The following CHST9 variants were observed in gnomAD, a reference collection of about 807,000 sequenced individuals.
The protein encoded by CHST9 is GalNAc-4-sulfotransferase 2.
A neutral mutation model predicts 44.4 loss-of-function variants in CHST9; 41 were observed. The ratio of observed to expected loss-of-function variants is 0.92; its 90% CI spans 0.72 to 1.20. CHST9 has a LOEUF of 1.20. Among genes scored for constraint, CHST9 ranks in the 50% most tolerant of loss-of-function variants. The pLI is 0.00. For synonymous variants in CHST9, 171 were observed against 178.4 expected (o/e 0.96, Z 0.33); for missense variants, 504 against 516.5 (o/e 0.98, Z 0.23).
intron 1 of CHST9, among the ~76,000 whole-genome samples, chr18:27,159,740 A>C (rs2058730351): frequency 6.6e-6 from 1 of 152,170 alleles, no homozygotes; most frequent in African/African-American, 2.4e-5. Flanking sequence ...CCTACCCATG[A>C]GCATGGAATG....
At chr18:27,146,327 C>CA (rs1567937464) in intron 1 of CHST9, among the ~76,000 whole-genome samples, 1 of 152,138 alleles carries the variant, frequency 6.6e-6, no homozygotes, top group East Asian at 1.9e-4. Context: ...GGCAGAAAGG[C>CA]AATCTGGTGT....
At position 26,911,153 on chromosome 18, in the gene CHST9, A is replaced by G. The variant is rs1227881610; in HGVS notation, c.*5106T>C. On this transcript the variant is annotated 3_prime_UTR_variant, in exon 6 of 6. Coordinates refer to ENST00000618847, the MANE Select transcript of CHST9 (RefSeq NM_031422.6). ...AGATGCCTGAAGGTCACAGGCAGAAATATACGAATTCTACACTAAAAGAAG... is the reference window on the plus strand; with the variant it reads ...AGATGCCTGAAGGTCACAGGCAGAAGTATACGAATTCTACACTAAAAGAAG... 1.3e-5 allele frequency: 2 copies of G among 152,184 alleles called. No individual in the cohort carries two copies. The highest frequency in any genetic ancestry group is 2.9e-5 in the Non-Finnish European group (2 of 68,030). 9.4% of individuals were successfully genotyped at this position (152,184 alleles called of 1,614,324 possible). A position where few individuals can be genotyped will look rare whatever the true frequency, so the allele number is the denominator to read the frequency against.
At chr18:26,986,110 A>G (rs1230482421) in intron 4 of CHST9, among the ~76,000 whole-genome samples, 1 of 152,236 alleles carries the variant, frequency 6.6e-6, no homozygotes, top group Non-Finnish European at 1.5e-5. Flanking sequence ...AAAGCAGGAA[A>G]GTAAGATCAA....
intron 1 of CHST9, among the ~76,000 whole-genome samples, chr18:27,168,552 G>A (rs2058809521): frequency 6.6e-6 from 1 of 152,132 alleles, no homozygotes; most frequent in Admixed American, 6.5e-5. Flanking sequence ...TTTTTGAGAT[G>A]ACATTTATGA....
At chr18:27,157,918 G>T (rs2143916381) in intron 1 of CHST9, among the ~76,000 whole-genome samples, 1 of 152,122 alleles carries the variant, frequency 6.6e-6, no homozygotes, top group East Asian at 1.9e-4. Flanking sequence ...AGTTAGTTTA[G>T]TTAACTAATC....
intron 1 of CHST9, among the ~76,000 whole-genome samples, chr18:27,146,388 C>T (rs1031514839): frequency 1.3e-5 from 2 of 152,250 alleles, no homozygotes; most frequent in African/African-American, 2.4e-5. Flanking sequence ...ATTAACCCAA[C>T]GTTGGCGTTA....
chr18:27,048,597 C>A, intron 2 of CHST9, 94 bp from the exon 3 acceptor site: 1 of 1,011,404 alleles, frequency 9.9e-7, no homozygotes, highest in South Asian at 1.5e-5. Context: ...TTTCCAAACA[C>A]AACCTCTACT....
At chr18:27,081,269 G>C (rs2057958327) in intron 2 of CHST9, among the ~76,000 whole-genome samples, 1 of 152,068 alleles carries the variant, frequency 6.6e-6, no homozygotes, top group African/African-American at 2.4e-5. Flanking sequence ...TTTGAGCCCA[G>C]GTGTTCAAGA....
intron 1 of CHST9, among the ~76,000 whole-genome samples, chr18:27,173,611 A>C (rs1350172162): frequency 1.3e-5 from 2 of 152,014 alleles, no homozygotes; most frequent in Non-Finnish European, 2.9e-5. Flanking sequence ...ATTGCCTGAA[A>C]CATATTCTTC....
At chr18:27,045,698 G>C (rs866867805) in intron 3 of CHST9, among the ~76,000 whole-genome samples, 3 of 151,920 alleles carry the variant, frequency 2.0e-5, no homozygotes, top group Admixed American at 6.6e-5. Context: ...TGTCAAGGAG[G>C]ATATAATTTG....
At chr18:27,045,995 A>C (rs908098341) in intron 3 of CHST9, among the ~76,000 whole-genome samples, 8 of 152,076 alleles carry the variant, frequency 5.3e-5, no homozygotes, top group African/African-American at 1.9e-4. Flanking sequence ...AAGCCACTTA[A>C]GTTTTGTTGA....
chr18:27,111,405 G>A (rs551686044), intron 2 of CHST9, among the ~76,000 whole-genome samples: 1 of 152,348 alleles, frequency 6.6e-6, no homozygotes, highest in East Asian at 1.9e-4. Flanking sequence ...TTATCCTTCT[G>A]TGGTAGAAAT....
Position 27,185,141 on chromosome 18 carries a change from G to A in CHST9, c.-102C>T, listed in dbSNP as rs2058946457. ...CCCAGCCCCAGCGCGGTTACCTCGC[G>A]GGCCGCTGCCGGGCGCTTGCAGGTG... On this transcript the variant is annotated 5_prime_UTR_variant, in exon 1 of 6. Transcript: ENST00000618847. 6.6e-6 allele frequency: 1 copy of A among 151,750 alleles called. No individual in the cohort carries two copies. The allele number at this position is 151,750 out of a possible 1,614,324, so 9.4% of individuals were successfully genotyped here. A position where few individuals can be genotyped will look rare whatever the true frequency, so the allele number is the denominator to read the frequency against.
Position 26,907,512 on chromosome 18 carries a change from A to T in CHST9, c.*8747T>A, listed in dbSNP as rs72885726. On this transcript the variant is annotated 3_prime_UTR_variant, in exon 6 of 6. Transcript: ENST00000618847. Reference sequence around the variant, plus strand: ...ACCATCAGCCTAATGGTGGAGCTAAAGCAAGGAGAGTGGAAGAGAGTCCCC... The same window carrying T: ...ACCATCAGCCTAATGGTGGAGCTAATGCAAGGAGAGTGGAAGAGAGTCCCC... 0.091 allele frequency: 13,832 copies of T among 152,200 alleles called. 913 individuals carry two copies. Among genetic ancestry groups the T allele is most frequent in the Non-Finnish European group, 0.14 (9,449 of 68,050 alleles). 9.4% of individuals were successfully genotyped at this position (152,200 alleles called of 1,614,324 possible).
At chr18:27,108,305 A>G (rs1275052807) in intron 2 of CHST9, among the ~76,000 whole-genome samples, 1 of 152,192 alleles carries the variant, frequency 6.6e-6, no homozygotes, top group Non-Finnish European at 1.5e-5. Flanking sequence ...TTTTTAAAAA[A>G]TCATCAGTCA....
At chr18:27,105,576 A>G (rs911724952) in intron 2 of CHST9, among the ~76,000 whole-genome samples, 5 of 152,164 alleles carry the variant, frequency 3.3e-5, no homozygotes, top group African/African-American at 1.2e-4. Flanking sequence ...GAAGAAAAGG[A>G]AAGAAACTTT....
At chr18:27,063,023 G>A (rs2057743807) in intron 2 of CHST9, among the ~76,000 whole-genome samples, 1 of 152,222 alleles carries the variant, frequency 6.6e-6, no homozygotes, top group African/African-American at 2.4e-5. Context: ...TACAGGGGCA[G>A]GTGTGTCATG....
At chr18:27,166,954 A>G (rs1046867158) in intron 1 of CHST9, among the ~76,000 whole-genome samples, 15 of 152,214 alleles carry the variant, frequency 9.9e-5, no homozygotes, top group African/African-American at 3.4e-4. Context: ...TGACACAGCA[A>G]AGGAGCTAGG....
At chr18:26,952,266 C>A (rs2056258755) in intron 4 of CHST9, 1 of 525,410 alleles carries the variant, frequency 1.9e-6, no homozygotes, top group South Asian at 1.4e-5. Flanking sequence ...GAGATCCAGT[C>A]GGCTTTTCAG....
Sources: allele counts gnomAD v4.1 joint callset (sites outside exome capture counted in the v4.1 genomes callset), GRCh38; gene constraint gnomAD v4.1.1; transcripts MANE v1.5; gene names NCBI Gene and HGNC (gene_info 2026-07-23, HGNC 2026-07-21).